Variants in EFCAB6 observed in about 807,000 individuals in gnomAD.
EFCAB6 encodes EF-hand calcium-binding domain-containing protein 6.
In EFCAB6, 156 loss-of-function variants were observed where a neutral mutation model predicts 169.8. The ratio of observed to expected loss-of-function variants is 0.92; its 90% CI spans 0.81 to 1.05. The LOEUF (loss-of-function observed/expected upper bound fraction) is 1.05, where lower values mean the gene tolerates loss of function less well. Ranked by LOEUF, EFCAB6 falls within the 50% of genes least tolerant of loss-of-function variation. The probability of loss-of-function intolerance (pLI) is 0.00; values close to 1 mark genes in which losing one functional copy is unlikely to be tolerated. For synonymous variants in EFCAB6, 698 were observed against 676.4 expected, an observed-to-expected ratio of 1.03 and a Z score of -0.50; for missense variants, 1,800 against 1,829.1, an observed-to-expected ratio of 0.98 and a Z score of 0.29.
chr22:43,800,856 G>A (rs2062685083), intron 2 of EFCAB6, among the ~76,000 whole-genome samples: 1 of 152,140 alleles, frequency 6.6e-6, no homozygotes, highest in Admixed American at 6.5e-5. Flanking sequence ...CTCAAAAGAT[G>A]AGATTTTAAA....
intron 20 of EFCAB6, among the ~76,000 whole-genome samples, chr22:43,621,089 A>ATTT (rs3072756): frequency 1.4e-5 from 2 of 141,682 alleles, no homozygotes; most frequent in African/African-American, 2.6e-5. Flanking sequence ...ACACTATGCA[A>ATTT]TTTTTTTTTT....
At chr22:43,544,862 C>T (rs557639903) in intron 27 of EFCAB6, among the ~76,000 whole-genome samples, 2 of 152,140 alleles carry the variant, frequency 1.3e-5, no homozygotes, top group Non-Finnish European at 2.9e-5. Flanking sequence ...GTGGGTCACA[C>T]CTGTAATCCC....
At chr22:43,731,847 T>C in intron 7 of EFCAB6, 36 bp from the exon 8 acceptor site, 1 of 1,390,720 alleles carries the variant, frequency 7.2e-7, no homozygotes, top group Non-Finnish European at 9.7e-7. Flanking sequence ...TGAGAAATTA[T>C]GAATCTAAAA....
In EFCAB6 at chr22:43,605,950, A is replaced by G. The variant is rs114163664; in HGVS notation, c.2681+2532T>C. ...AAAAATGATAGGTGCTATAATTTGC[A>G]AAGTGTCCTAGGAACTGCACGATTG... On this transcript the variant is annotated intron_variant, in intron 22 of 31. Transcript: ENST00000262726. Among the ~76,000 whole-genome samples the G allele has an allele frequency of 5.9e-3, 896 of 152,350 alleles. 7 individuals are homozygous for G. The highest frequency in any genetic ancestry group is 0.034 in the Middle Eastern group (10 of 294).
intron 27 of EFCAB6, among the ~76,000 whole-genome samples, chr22:43,548,065 C>T (rs1181311423): frequency 6.6e-6 from 1 of 151,838 alleles, no homozygotes; most frequent in Non-Finnish European, 1.5e-5. Context: ...CACTGCACTC[C>T]ACCCTGGGTG....
chr22:43,545,634 G>C (rs1006691340), intron 27 of EFCAB6, among the ~76,000 whole-genome samples: 4 of 152,136 alleles, frequency 2.6e-5, no homozygotes, highest in African/African-American at 9.7e-5. Context: ...CTGGCATAAT[G>C]AGCCAGGTTA....
chr22:43,653,249 A>G (rs2056567896), intron 17 of EFCAB6, among the ~76,000 whole-genome samples: 1 of 152,180 alleles, frequency 6.6e-6, no homozygotes. Flanking sequence ...ATTCATATAA[A>G]GAAAGCTGCA....
At chr22:43,534,905 GATTC>G (rs141526681) in intron 29 of EFCAB6, 33 bp from the exon 30 acceptor site, 157 of 1,571,332 alleles carry the variant, frequency 1.0e-4, no homozygotes, top group Middle Eastern at 3.4e-4. Flanking sequence ...AATTGGTGGC[GATTC>G]ATTCATTCAT....
chr22:43,594,275 C>CAAAAAAAAAAAAAAAAAAAAAAAA (rs750560174), intron 23 of EFCAB6, among the ~76,000 whole-genome samples: 1 of 81,490 alleles, frequency 1.2e-5, no homozygotes, highest in Non-Finnish European at 2.4e-5. Flanking sequence ...AACTCTGTTT[C>CAAAAAAAAAAAAAAAAAAAAAAAA]AAAAAAAAAA....
chr22:43,530,994 G>A (rs1263246150), intron 30 of EFCAB6, 30 bp from the exon 31 acceptor site: 13 of 1,612,984 alleles, frequency 8.1e-6, no homozygotes, highest in Non-Finnish European at 9.3e-6. Flanking sequence ...GGGTGAGGAG[G>A]GAGCTTTTGA....
intron 20 of EFCAB6, among the ~76,000 whole-genome samples, chr22:43,625,723 G>C (rs993229638): frequency 3.3e-5 from 5 of 152,258 alleles, no homozygotes; most frequent in Non-Finnish European, 7.3e-5. Flanking sequence ...AGTTGGCACA[G>C]ATAGCTTCTC....
chr22:43,658,666 C>T (rs1174840221), intron 17 of EFCAB6, among the ~76,000 whole-genome samples: 5 of 152,034 alleles, frequency 3.3e-5, no homozygotes, highest in Middle Eastern at 3.4e-3. Context: ...ACGTGCCCTT[C>T]GGGGCACAGC....
chr22:43,582,739 T>C (rs924424743), intron 24 of EFCAB6, among the ~76,000 whole-genome samples: 2 of 151,744 alleles, frequency 1.3e-5, no homozygotes, highest in African/African-American at 4.8e-5. Context: ...CAGATACAGA[T>C]GCCAGGGGAA....
chr22:43,608,655 G>A, intron 21 of EFCAB6, 55 bp from the exon 22 acceptor site: 1 of 1,538,304 alleles, frequency 6.5e-7, no homozygotes. Context: ...TATGACAGCA[G>A]AAAAGATGTT....
intron 18 of EFCAB6, among the ~76,000 whole-genome samples, chr22:43,632,782 GCCT>G (rs2147894930): frequency 6.6e-6 from 1 of 152,248 alleles, no homozygotes; most frequent in South Asian, 2.1e-4. Context: ...AGACTGTGGG[GCCT>G]CCTTTCACCC....
In EFCAB6 at chr22:43,703,980, T is replaced by C. The variant is rs543640104; in HGVS notation, c.1031+7495A>G. The stretch of plus-strand genomic sequence containing the variant: ...ATAATGACTGAAAACTTCCCTAATT[T>C]GGGAAAAGATACCAGTATCCCCAAG... On this transcript the variant is annotated intron_variant, in intron 10 of 31. Coordinates refer to ENST00000262726, the MANE Select transcript of EFCAB6 (RefSeq NM_022785.4). Among the ~76,000 whole-genome samples the C allele has an allele frequency of 4.6e-5, 7 of 152,184 alleles. 1 individual carries two copies. Among genetic ancestry groups the C allele is most frequent in the African/African-American group, 1.7e-4 (7 of 41,538 alleles).
At chr22:43,654,176 T>G (rs1028063462) in intron 17 of EFCAB6, among the ~76,000 whole-genome samples, 1 of 152,164 alleles carries the variant, frequency 6.6e-6, no homozygotes, top group African/African-American at 2.4e-5. Flanking sequence ...TATGAATAAA[T>G]GGTTGAGTAA....
At chr22:43,723,509 C>T (rs1417852957) in intron 8 of EFCAB6, among the ~76,000 whole-genome samples, 1 of 152,146 alleles carries the variant, frequency 6.6e-6, no homozygotes, top group East Asian at 1.9e-4. Flanking sequence ...ATCATTCAAC[C>T]TTGAGTACCT....
At chr22:43,760,907 C>T (rs948879115) in intron 5 of EFCAB6, among the ~76,000 whole-genome samples, 3 of 152,230 alleles carry the variant, frequency 2.0e-5, no homozygotes, top group Non-Finnish European at 2.9e-5. Flanking sequence ...AAGTGATCCA[C>T]CCGCCTTGGC....
Sources: gnomAD v4.1 joint callset for allele counts (sites outside exome capture counted in the v4.1 genomes callset) on GRCh38, gnomAD v4.1.1 for gene constraint, MANE v1.5 for transcripts, NCBI Gene and HGNC (gene_info 2026-07-23, HGNC 2026-07-21) for gene names.